The following SLC35F6 variants were observed in gnomAD, a reference collection of about 807,000 sequenced individuals.
SLC35F6 encodes ANT2-binding protein.
In SLC35F6, 26 loss-of-function variants were observed where a neutral mutation model predicts 29.4. The ratio of observed to expected loss-of-function variants is 0.89; its 90% CI spans 0.65 to 1.23. The LOEUF (loss-of-function observed/expected upper bound fraction) is 1.23, where lower values mean the gene tolerates loss of function less well. Ranked by LOEUF, SLC35F6 falls within the 50% of genes most tolerant of loss-of-function variation. The pLI is 0.00. For missense variants in SLC35F6, 428 were observed against 487.8 expected (o/e 0.88, Z 1.15); for synonymous variants, 174 against 206.6 (o/e 0.84, Z 1.35).
At chr2:26,778,001 G>A (rs373308346) in intron 5 of SLC35F6, 41 bp from the exon 6 acceptor site, 3 of 1,566,618 alleles carry the variant, frequency 1.9e-6, no homozygotes, top group Admixed American at 1.7e-5. Flanking sequence ...CTGGGGGTCT[G>A]GGGGAAGGTG....
At chr2:26,765,408 C>T (rs1409103771) in intron 1 of SLC35F6, among the ~76,000 whole-genome samples, 12 of 152,158 alleles carry the variant, frequency 7.9e-5, no homozygotes, top group Admixed American at 7.9e-4. Context: ...GGCCTAGCCT[C>T]CCCTCTGTTG....
intron 5 of SLC35F6, among the ~76,000 whole-genome samples, chr2:26,776,743 C>G (rs1220513052): frequency 6.6e-6 from 1 of 152,184 alleles, no homozygotes; most frequent in African/African-American, 2.4e-5. Context: ...AAGTTTGGAC[C>G]ACTTGTGCTC....
intron 1 of SLC35F6, chr2:26,765,143 T>G (rs34995758): frequency 5.3e-6 from 2 of 380,670 alleles, no homozygotes; most frequent in Non-Finnish European, 7.2e-6. Flanking sequence ...TGAGGGGAAC[T>G]AGGAGGTGGC....
At chr2:26,777,051 T>C (rs1459016618) in intron 5 of SLC35F6, among the ~76,000 whole-genome samples, 1 of 152,082 alleles carries the variant, frequency 6.6e-6, no homozygotes, top group Non-Finnish European at 1.5e-5. Flanking sequence ...ATACAAAAAT[T>C]AGCTGGGCGT....
chr2:26,775,057 T>A lies in SLC35F6; in HGVS notation c.164T>A (p.Phe55Tyr), dbSNP rs773731736. The A allele has an allele frequency of 6.2e-7, 1 of 1,613,866 alleles. No individual in the cohort carries two copies. The highest frequency in any genetic ancestry group is 8.5e-7 in the Non-Finnish European group (1 of 1,179,888). Reference sequence around the variant, plus strand: ...TCATCCCTGCAGGCAGTGGGCATGTTCCTGGGAGAATTCTCCTGCCTGGCT... The same window carrying A: ...TCATCCCTGCAGGCAGTGGGCATGTACCTGGGAGAATTCTCCTGCCTGGCT... ...QHPFLQAVGMFLGEFSCLAAF... is the reference protein window; with the variant it reads ...QHPFLQAVGMYLGEFSCLAAF... The change falls in exon 3 of 6, where the codon TTC becomes TAC. Residue 55 changes from phenylalanine to tyrosine, a missense_variant. By Grantham distance (22) the Phe-to-Tyr change is conservative (BLOSUM62 3). Coordinates refer to ENST00000344420, the MANE Select transcript of SLC35F6 (RefSeq NM_017877.4). The surrounding 1 kb of genome is among the most constrained non-coding windows in gnomAD (Gnocchi z 4.6).
At chr2:26,764,735 G>C in intron 1 of SLC35F6, 1 of 952,970 alleles carries the variant, frequency 1.0e-6, no homozygotes, top group Non-Finnish European at 1.2e-6. Flanking sequence ...GTCCAAGCCT[G>C]AGCACCTCCC....
chr2:26,772,156 A>T (rs528335008), intron 1 of SLC35F6, among the ~76,000 whole-genome samples: 1 of 152,194 alleles, frequency 6.6e-6, no homozygotes, highest in Non-Finnish European at 1.5e-5. Context: ...ACTCAGAGGC[A>T]TATAGAGAAG....
chr2:26,777,606 A>G (rs1221021160), intron 5 of SLC35F6, among the ~76,000 whole-genome samples: 3 of 152,236 alleles, frequency 2.0e-5, no homozygotes, highest in African/African-American at 7.2e-5. Context: ...CAGACCAGTA[A>G]CACACTGAAC....
chr2:26,775,705 G>T lies in SLC35F6; in HGVS notation c.535+29G>T. 1 of 1,524,294 alleles carries T rather than the reference G, an allele frequency of 6.6e-7. No individual in the cohort carries two copies. Among genetic ancestry groups the T allele is most frequent in the Non-Finnish European group, 8.8e-7 (1 of 1,137,824 alleles). The allele number at this position is 1,524,294 out of a possible 1,614,324, so 94.4% of individuals were successfully genotyped here. A position where few individuals can be genotyped will look rare whatever the true frequency, so the allele number is the denominator to read the frequency against. ...CGGCCAGGGGCAGGGACACGGGGCTGCCCTATCCTGCCCTGTCCTCCTTGG... is the reference window on the plus strand; with the variant it reads ...CGGCCAGGGGCAGGGACACGGGGCTTCCCTATCCTGCCCTGTCCTCCTTGG... On this transcript the variant is annotated intron_variant, in intron 4 of 5. Coordinates refer to ENST00000344420, the MANE Select transcript of SLC35F6 (RefSeq NM_017877.4). This position sits in a 1 kb window ranked among gnomAD's most constrained non-coding sequence, Gnocchi z 4.6.
At chr2:26,764,553 C>T (rs1664060248) in intron 1 of SLC35F6, 127 bp downstream of exon 1, 2 of 1,246,514 alleles carry the variant, frequency 1.6e-6, no homozygotes, top group Non-Finnish European at 2.2e-6. Context: ...AGTTCGCGCG[C>T]GTTATGACCA....
chr2:26,766,992 A>C (rs529403215), intron 1 of SLC35F6, among the ~76,000 whole-genome samples: 16 of 152,296 alleles, frequency 1.1e-4, no homozygotes, highest in Admixed American at 7.8e-4. Context: ...AAAGCATAGA[A>C]ATCATCCAGT....
chr2:26,771,802 TAA>T (rs112384772), intron 1 of SLC35F6, among the ~76,000 whole-genome samples: 1 of 144,184 alleles, frequency 6.9e-6, no homozygotes, highest in African/African-American at 2.5e-5. Flanking sequence ...ACCCTCTCTC[TAA>T]AAAAAAAAAG....
intron 1 of SLC35F6, among the ~76,000 whole-genome samples, chr2:26,773,864 A>G (rs963163700): frequency 3.3e-5 from 5 of 152,252 alleles, no homozygotes; most frequent in Middle Eastern, 6.8e-3. Context: ...CACCCACCTC[A>G]GCCTCCCAAA....
chr2:26,772,827 G>A (rs1431375298), intron 1 of SLC35F6, among the ~76,000 whole-genome samples: 1 of 152,218 alleles, frequency 6.6e-6, no homozygotes, highest in Non-Finnish European at 1.5e-5. Context: ...GAATTTTCAT[G>A]CACAGATGGC....
chr2:26,778,487 C>T lies in SLC35F6; in HGVS notation c.1092C>T (p.Arg364=). The change falls in exon 6 of 6, where the codon CGC becomes CGT. Residue 364 remains arginine, a synonymous_variant. Transcript: ENST00000344420. ...SEQERLLGGT[R]TPINDAS is the part of the protein sequence containing the mutation. ...AGGAGAGACTGCTGGGTGGCACCCGCACTCCCATCAATGATGCCAGCTGAG... is the reference window on the plus strand; with the variant it reads ...AGGAGAGACTGCTGGGTGGCACCCGTACTCCCATCAATGATGCCAGCTGAG... 6.2e-7 allele frequency: 1 copy of T among 1,608,622 alleles called. No individual in the cohort carries two copies. Among genetic ancestry groups the T allele is most frequent in the Admixed American group, 1.7e-5 (1 of 59,460 alleles).
chr2:26,779,510 G>A lies in SLC35F6; in HGVS notation c.*999G>A, dbSNP rs1321621232. ...CCTCTGCCCACAGCACCACCCTTCT[G>A]TGCTGTTTTTTTTGTTGTTTGTTTG... On this transcript the variant is annotated 3_prime_UTR_variant, in exon 6 of 6. Coordinates refer to ENST00000344420, the MANE Select transcript of SLC35F6 (RefSeq NM_017877.4). 1 of 152,252 alleles carries A rather than the reference G, an allele frequency of 6.6e-6. No individual in the cohort carries two copies. The highest frequency in any genetic ancestry group is 1.5e-5 in the Non-Finnish European group (1 of 68,218). The allele number at this position is 152,252 out of a possible 1,614,324, so 9.4% of individuals were successfully genotyped here. A position where few individuals can be genotyped will look rare whatever the true frequency, so the allele number is the denominator to read the frequency against.
rs940191799 is a variant in SLC35F6 at position 26,780,598 on chromosome 2, G to A, written c.*2087G>A. On this transcript the variant is annotated 3_prime_UTR_variant, in exon 6 of 6. Coordinates refer to ENST00000344420, the MANE Select transcript of SLC35F6 (RefSeq NM_017877.4). ...GTGACTTCCTCTTTATGGAGCCAGTGTTCCAACCTAGGTTTGCCTGATACC... is the reference window on the plus strand; with the variant it reads ...GTGACTTCCTCTTTATGGAGCCAGTATTCCAACCTAGGTTTGCCTGATACC... The A allele has an allele frequency of 6.6e-6, 1 of 152,254 alleles. No homozygotes were observed. Among genetic ancestry groups the A allele is most frequent in the Admixed American group, 6.5e-5 (1 of 15,278 alleles). The allele number at this position is 152,254 out of a possible 1,614,324, so 9.4% of individuals were successfully genotyped here.
intron 1 of SLC35F6, among the ~76,000 whole-genome samples, chr2:26,772,734 G>A (rs828266): frequency 0.49 from 74,682 of 151,986 alleles, 20,193 homozygotes; most frequent in African/African-American, 0.71. Flanking sequence ...AAGTCCCCAG[G>A]TACCTAAAGG....
At position 26,764,304 on chromosome 2, in the gene SLC35F6, C is replaced by G; in HGVS notation, c.-46C>G. The G allele has an allele frequency of 1.3e-6, 2 of 1,544,474 alleles. No individual in the cohort carries two copies. The highest frequency in any genetic ancestry group is 1.7e-6 in the Non-Finnish European group (2 of 1,143,866). On this transcript the variant is annotated 5_prime_UTR_variant, in exon 1 of 6. Transcript: ENST00000344420. ...CGCTCGCGCAGGAGACCCCGGGTGACGGGGCCCGGCGCCGCTAACTGGAGC... is the reference window on the plus strand; with the variant it reads ...CGCTCGCGCAGGAGACCCCGGGTGAGGGGGCCCGGCGCCGCTAACTGGAGC...
Sources: gnomAD v4.1 joint callset for allele counts (sites outside exome capture counted in the v4.1 genomes callset) on GRCh38, gnomAD v4.1.1 for gene constraint, Gnocchi (gnomAD v3.1) non-coding constraint, MANE v1.5 for transcripts, NCBI Gene and HGNC (gene_info 2026-07-23, HGNC 2026-07-21) for gene names.